The following MAN1A2 variants were observed in gnomAD, a reference collection of about 807,000 sequenced individuals.
The protein encoded by MAN1A2 is mannosidase alpha class 1A member 2.
Under a neutral mutation model 75.7 loss-of-function variants are expected in MAN1A2, and 26 were observed. That is an observed-to-expected ratio of 0.34 (90% confidence interval 0.25 to 0.48). The LOEUF (loss-of-function observed/expected upper bound fraction) is 0.48. Ranked by LOEUF, MAN1A2 falls within the 20% of genes least tolerant of loss-of-function variation. The pLI, the probability that MAN1A2 is intolerant of heterozygous loss-of-function variation, is 0.99. For synonymous variants in MAN1A2, 247 were observed against 264.6 expected (o/e 0.93, Z 0.65); for missense variants, 562 against 775.5 (o/e 0.72, Z 3.27).
chr1:117,429,366 C>T (rs1205491183), intron 5 of MAN1A2, among the ~76,000 whole-genome samples: 1 of 139,138 alleles, frequency 7.2e-6, no homozygotes, highest in African/African-American at 2.7e-5. Flanking sequence ...TCCTCACTTC[C>T]CAGTAGGGGC....
Position 117,458,508 on chromosome 1 carries a change from T to TAG in MAN1A2, c.951-1980_951-1979insGA, listed in dbSNP as rs1250360967. ...AAATATATATATATCTATATATATATATAGATATATATATATTTTTTTTTT... is the reference window on the plus strand; with the variant it reads ...AAATATATATATATCTATATATATATAGATAGATATATATATATTTTTTTTTT... On this transcript the variant is annotated intron_variant, in intron 6 of 12. Coordinates refer to ENST00000356554, the MANE Select transcript of MAN1A2 (RefSeq NM_006699.5). Among the ~76,000 whole-genome samples, 8 of 99,294 alleles carry TAG rather than the reference T, an allele frequency of 8.1e-5. No homozygotes were observed. The South Asian group carries it at 2.2e-3, about 28-fold the overall frequency. 65.1% of individuals were successfully genotyped at this position (99,294 alleles called of 152,430 possible). A position where few individuals can be genotyped will look rare whatever the true frequency, so the allele number is the denominator to read the frequency against.
Position 117,525,077 on chromosome 1 carries a change from T to A in MAN1A2, c.*2120T>A. On this transcript the variant is annotated 3_prime_UTR_variant, in exon 13 of 13. Coordinates refer to ENST00000356554, the MANE Select transcript of MAN1A2 (RefSeq NM_006699.5). ...AAGAATGCAGAGTAAAGGGACCTTC[T>A]TGGTTCTGCAGGAACTTCTCAAGGG... is the stretch of plus-strand genomic sequence containing the variant. The A allele has an allele frequency of 1.9e-6, 1 of 522,994 alleles. No homozygotes were observed. Among genetic ancestry groups the A allele is most frequent in the Admixed American group, 2.0e-5 (1 of 50,230 alleles). 32.4% of individuals were successfully genotyped at this position (522,994 alleles called of 1,614,324 possible).
rs141977358 is a variant in MAN1A2, at chr1:117,373,833, G to A, written c.302+5348G>A. Among the ~76,000 whole-genome samples the A allele has an allele frequency of 1.4e-3, 220 of 152,176 alleles. 5 individuals are homozygous for A. In the South Asian group the frequency reaches 0.021, roughly 15 times the overall value. On this transcript the variant is annotated intron_variant, in intron 1 of 12. Coordinates refer to ENST00000356554, the MANE Select transcript of MAN1A2 (RefSeq NM_006699.5). Reference sequence around the variant, plus strand: ...TCGATATGGATACTTTCAAATTGGAGCTCATGCCTAAGATTGGAAAGTTGG... The same window carrying A: ...TCGATATGGATACTTTCAAATTGGAACTCATGCCTAAGATTGGAAAGTTGG...
At chr1:117,490,696 C>A (rs1456179363) in intron 8 of MAN1A2, among the ~76,000 whole-genome samples, 1 of 152,040 alleles carries the variant, frequency 6.6e-6, no homozygotes, top group Non-Finnish European at 1.5e-5. Flanking sequence ...GAAGGCATGT[C>A]AAAAGCCAAG....
intron 7 of MAN1A2, among the ~76,000 whole-genome samples, chr1:117,464,187 G>A (rs1179903082): frequency 6.6e-6 from 1 of 151,376 alleles, no homozygotes; most frequent in Non-Finnish European, 1.5e-5. Context: ...GCAACATGGT[G>A]AAACCACTTC....
At chr1:117,428,122 T>G (rs1648439726) in intron 5 of MAN1A2, among the ~76,000 whole-genome samples, 3 of 151,954 alleles carry the variant, frequency 2.0e-5, no homozygotes, top group South Asian at 4.2e-4. Flanking sequence ...TATTTTTTTT[T>G]TTTTGGGGGG....
At chr1:117,390,470 C>G (rs1653679730) in intron 1 of MAN1A2, among the ~76,000 whole-genome samples, 1 of 151,646 alleles carries the variant, frequency 6.6e-6, no homozygotes, top group Non-Finnish European at 1.5e-5. Flanking sequence ...TATCAGTTCT[C>G]TCATTGCTGA....
intron 12 of MAN1A2, among the ~76,000 whole-genome samples, chr1:117,516,509 ATTGT>A (rs1382172278): frequency 6.6e-6 from 1 of 152,084 alleles, no homozygotes; most frequent in Non-Finnish European, 1.5e-5. Context: ...CATTCAGCAA[ATTGT>A]TTGACACAGT....
chr1:117,474,355 C>T (rs934439851), intron 8 of MAN1A2, among the ~76,000 whole-genome samples: 4 of 150,410 alleles, frequency 2.7e-5, no homozygotes, highest in African/African-American at 9.8e-5. Flanking sequence ...GTACAATTTC[C>T]AGTTTTATGT....
chr1:117,501,616 T>C (rs2101881478), intron 11 of MAN1A2, among the ~76,000 whole-genome samples: 1 of 151,958 alleles, frequency 6.6e-6, no homozygotes, highest in African/African-American at 2.4e-5. Flanking sequence ...CACATGATTA[T>C]TGTGAAGAAA....
At chr1:117,436,161 G>C (rs1463613462) in intron 5 of MAN1A2, among the ~76,000 whole-genome samples, 1 of 152,170 alleles carries the variant, frequency 6.6e-6, no homozygotes, top group Non-Finnish European at 1.5e-5. Context: ...GATTAATTAG[G>C]TATAAAGTTG....
rs528332979 is a variant in MAN1A2, at chr1:117,471,112, G to C, written c.1168+4685G>C. The stretch of plus-strand genomic sequence containing the variant: ...TAATGATTAAAGTGAAGAAAATATA[G>C]GAAATCAGTCATTACTGATTCATTG... On this transcript the variant is annotated intron_variant, in intron 8 of 12. Transcript: ENST00000356554. Among the ~76,000 whole-genome samples, 26 of 151,170 alleles carry C rather than the reference G, an allele frequency of 1.7e-4. No individual in the cohort carries two copies. In the South Asian group the frequency reaches 5.0e-3, roughly 29 times the overall value.
intron 5 of MAN1A2, among the ~76,000 whole-genome samples, chr1:117,434,579 A>G (rs575863638): frequency 2.6e-5 from 4 of 152,176 alleles, no homozygotes; most frequent in Non-Finnish European, 5.9e-5. Flanking sequence ...AAAATATTTG[A>G]AAAAGACCTG....
chr1:117,468,302 T>C (rs1329729044), intron 8 of MAN1A2, among the ~76,000 whole-genome samples: 2 of 152,142 alleles, frequency 1.3e-5, no homozygotes, highest in Non-Finnish European at 2.9e-5. Context: ...GGGGGTAACA[T>C]CTTCCTGTAC....
intron 8 of MAN1A2, among the ~76,000 whole-genome samples, chr1:117,491,593 T>C (rs1049762225): frequency 1.3e-5 from 2 of 152,104 alleles, no homozygotes; most frequent in Non-Finnish European, 2.9e-5. Context: ...CTGTAGCCCA[T>C]GGGTCAAAGA....
chr1:117,461,413 G>A (rs1649817129), intron 7 of MAN1A2, among the ~76,000 whole-genome samples: 2 of 152,146 alleles, frequency 1.3e-5, no homozygotes, highest in Non-Finnish European at 2.9e-5. Context: ...GTAGTGAGGA[G>A]AGAAGGATAA....
intron 7 of MAN1A2, among the ~76,000 whole-genome samples, chr1:117,464,055 A>G (rs1649909488): frequency 6.6e-6 from 1 of 152,184 alleles, no homozygotes; most frequent in Non-Finnish European, 1.5e-5. Context: ...CATAGGAATT[A>G]ACCTAAAAGC....
chr1:117,415,503 A>G (rs770171219), intron 4 of MAN1A2, among the ~76,000 whole-genome samples: 6 of 152,158 alleles, frequency 3.9e-5, no homozygotes, highest in Non-Finnish European at 7.3e-5. Context: ...CTCTGATGCC[A>G]TTCTTGGAGC....
chr1:117,456,458 TTTA>T (rs1159108645), intron 6 of MAN1A2, among the ~76,000 whole-genome samples: 1 of 152,036 alleles, frequency 6.6e-6, no homozygotes, highest in African/African-American at 2.4e-5. Context: ...TTGGTTTTAT[TTTA>T]TTGGGTATCC....
Sources: gnomAD v4.1 joint callset for allele counts (sites outside exome capture counted in the v4.1 genomes callset) on GRCh38, gnomAD v4.1.1 for gene constraint, MANE v1.5 for transcripts, NCBI Gene and HGNC (gene_info 2026-07-23, HGNC 2026-07-21) for gene names.